Variants in TSPAN12 observed in about 807,000 individuals in gnomAD.
The protein encoded by TSPAN12 is tetraspanin 12, also known as tetraspanin-12.
A neutral mutation model predicts 39.2 loss-of-function variants in TSPAN12; 19 were observed. The ratio of observed to expected loss-of-function variants is 0.49; its 90% CI spans 0.34 to 0.71. The LOEUF is 0.71. Among genes scored for constraint, TSPAN12 ranks in the 30% least tolerant of loss-of-function variants. TSPAN12 has a pLI of 0.01. For synonymous variants in TSPAN12, 119 were observed against 124.8 expected (o/e 0.95, Z 0.31); for missense variants, 314 against 359.9 (o/e 0.87, Z 1.03).
intron 4 of TSPAN12, among the ~76,000 whole-genome samples, chr7:120,831,784 T>C (rs962013587): frequency 3.9e-5 from 6 of 152,042 alleles, no homozygotes; most frequent in African/African-American, 1.4e-4. Flanking sequence ...TGATAAGTTG[T>C]ATATTTCAAA....
intron 2 of TSPAN12, among the ~76,000 whole-genome samples, chr7:120,844,209 C>G (rs1023931568): frequency 6.6e-6 from 1 of 152,164 alleles, no homozygotes; most frequent in African/African-American, 2.4e-5. Context: ...CACCTCCCAC[C>G]AGGTCACTTC....
Position 120,788,426 on chromosome 7 carries a change from C to T in TSPAN12, c.*166G>A. ...TTATTGTCCAGGTGGTGACTTATGACATGAAACTTTTCCATCCTCATTTTA... is the reference window on the plus strand; with the variant it reads ...TTATTGTCCAGGTGGTGACTTATGATATGAAACTTTTCCATCCTCATTTTA... On this transcript the variant is annotated 3_prime_UTR_variant, in exon 8 of 8. Coordinates refer to ENST00000222747, the MANE Select transcript of TSPAN12 (RefSeq NM_012338.4). 1.2e-6 allele frequency: 1 copy of T among 807,224 alleles called. No individual in the cohort carries two copies. Among genetic ancestry groups the T allele is most frequent in the Non-Finnish European group, 1.9e-6 (1 of 513,770 alleles). 50.0% of individuals were successfully genotyped at this position (807,224 alleles called of 1,614,324 possible).
chr7:120,837,374 T>C (rs1027082497), intron 4 of TSPAN12, among the ~76,000 whole-genome samples: 21 of 151,378 alleles, frequency 1.4e-4, no homozygotes, highest in African/African-American at 4.9e-4. Flanking sequence ...TGCAGTGACG[T>C]GATCTCGGCT....
At chr7:120,856,924 G>C in intron 1 of TSPAN12, 91 bp from the exon 2 acceptor site, 1 of 735,276 alleles carries the variant, frequency 1.4e-6, no homozygotes, top group Non-Finnish European at 2.4e-6. Context: ...CCTCAGCAGG[G>C]TCCAGAGGGT....
At chr7:120,810,624 TCACACACACACACACACA>T in intron 5 of TSPAN12, 54 bp from the exon 6 acceptor site, 2 of 715,722 alleles carry the variant, frequency 2.8e-6, no homozygotes, top group South Asian at 2.9e-5. Context: ...AGACACAGAT[TCACACACACACACACACA>T]CACACACACA....
At chr7:120,815,282 C>T (rs1299116732) in intron 5 of TSPAN12, among the ~76,000 whole-genome samples, 3 of 152,130 alleles carry the variant, frequency 2.0e-5, no homozygotes, top group Non-Finnish European at 2.9e-5. Flanking sequence ...TAATCATGTA[C>T]CTAAATTACT....
chr7:120,810,379 T>C, intron 6 of TSPAN12, 84 bp downstream of exon 6: 1 of 894,566 alleles, frequency 1.1e-6, no homozygotes, highest in Non-Finnish European at 1.9e-6. Context: ...ACAGAGGAAA[T>C]TACCAAAGCT....
At position 120,856,841 on chromosome 7, in the gene TSPAN12, G is replaced by C; in HGVS notation, c.-70-8C>G. ...GGGCAAAACGGCAGCGATCTGCAGG[G>C]GGCGGGGGAGAGAGAACACGGGACA... On this transcript the variant is annotated splice_region_variant and splice_polypyrimidine_tract_variant and intron_variant, in intron 1 of 7. Transcript: ENST00000222747. The C allele has an allele frequency of 6.7e-7, 1 of 1,485,570 alleles. No individual in the cohort carries two copies. The highest frequency in any genetic ancestry group is 1.1e-5 in the South Asian group (1 of 88,210). The allele number at this position is 1,485,570 out of a possible 1,614,324, so 92.0% of individuals were successfully genotyped here.
chr7:120,818,698 T>C (rs547709270), intron 4 of TSPAN12, among the ~76,000 whole-genome samples: 1 of 152,142 alleles, frequency 6.6e-6, no homozygotes, highest in South Asian at 2.1e-4. Flanking sequence ...TCAAAATAAG[T>C]GTTGGTTCAA....
intron 1 of TSPAN12, 155 bp from the exon 2 acceptor site, chr7:120,856,988 T>C (rs1794885025): frequency 6.6e-6 from 4 of 607,604 alleles, no homozygotes; most frequent in Non-Finnish European, 8.8e-6. Context: ...TTTGTTAAAA[T>C]CATAATGGTA....
chr7:120,845,267 G>A (rs1276378746), intron 2 of TSPAN12, among the ~76,000 whole-genome samples: 1 of 152,202 alleles, frequency 6.6e-6, no homozygotes, highest in Non-Finnish European at 1.5e-5. Context: ...GGTCTGCTAT[G>A]AAGGTCTCTG....
At chr7:120,823,685 A>G (rs1041953328) in intron 4 of TSPAN12, among the ~76,000 whole-genome samples, 1 of 152,212 alleles carries the variant, frequency 6.6e-6, no homozygotes. Context: ...GAAGAGTTAC[A>G]TAAATATATG....
intron 7 of TSPAN12, among the ~76,000 whole-genome samples, chr7:120,805,438 T>C (rs1793852946): frequency 6.6e-6 from 1 of 152,140 alleles, no homozygotes; most frequent in Non-Finnish European, 1.5e-5. Context: ...CCTTGAAATA[T>C]ATCAAAATGC....
intron 4 of TSPAN12, among the ~76,000 whole-genome samples, chr7:120,823,657 C>T (rs1584939471): frequency 6.6e-6 from 1 of 152,018 alleles, no homozygotes; most frequent in East Asian, 1.9e-4. Flanking sequence ...GGATAGTGCC[C>T]AAAACTAAAA....
At chr7:120,818,635 T>A (rs1794130295) in intron 4 of TSPAN12, among the ~76,000 whole-genome samples, 1 of 152,126 alleles carries the variant, frequency 6.6e-6, no homozygotes, top group Non-Finnish European at 1.5e-5. Flanking sequence ...ATTTCTTTCA[T>A]ATAAAAAATA....
At chr7:120,831,408 A>G (rs977666331) in intron 4 of TSPAN12, among the ~76,000 whole-genome samples, 9 of 152,096 alleles carry the variant, frequency 5.9e-5, no homozygotes, top group Non-Finnish European at 1.3e-4. Context: ...GTCCATCAAT[A>G]GATGAATGGA....
chr7:120,825,887 C>T (rs1295473463), intron 4 of TSPAN12, among the ~76,000 whole-genome samples: 3 of 152,184 alleles, frequency 2.0e-5, no homozygotes, highest in Non-Finnish European at 2.9e-5. Flanking sequence ...TCATTCACCA[C>T]GTCAATATCT....
At chr7:120,795,995 G>A (rs892740855) in intron 7 of TSPAN12, among the ~76,000 whole-genome samples, 1 of 152,030 alleles carries the variant, frequency 6.6e-6, no homozygotes, top group Non-Finnish European at 1.5e-5. Context: ...TTTAACCCTC[G>A]CAATATCCCT....
chr7:120,837,311 A>AT (rs1412239220), intron 4 of TSPAN12, among the ~76,000 whole-genome samples: 1,301 of 130,050 alleles, frequency 0.01, 15 homozygotes, highest in Admixed American at 0.032. Flanking sequence ...TTATTCATTT[A>AT]TTTATTTTTT....
Sources: allele counts gnomAD v4.1 joint callset (sites outside exome capture counted in the v4.1 genomes callset), GRCh38; gene constraint gnomAD v4.1.1; transcripts MANE v1.5; gene names NCBI Gene and HGNC (gene_info 2026-07-23, HGNC 2026-07-21).